The following SNX29 variants were observed in gnomAD, a reference collection of about 807,000 sequenced individuals.
SNX29 encodes the protein sorting nexin-29.
Under a neutral mutation model 102.1 loss-of-function variants are expected in SNX29, and 78 were observed. The ratio of observed to expected loss-of-function variants is 0.76; its 90% CI spans 0.64 to 0.92. The LOEUF (loss-of-function observed/expected upper bound fraction) is 0.92. Among genes scored for constraint, SNX29 ranks in the 40% least tolerant of loss-of-function variants. SNX29 has a pLI of 0.00. For synonymous variants in SNX29, 580 were observed against 414.5 expected, an observed-to-expected ratio of 1.40 and a Z score of -4.85; for missense variants, 1,280 against 1,061.7, an observed-to-expected ratio of 1.21 and a Z score of -2.86.
chr16:12,055,574 G>A (rs887873585), intron 8 of SNX29, among the ~76,000 whole-genome samples: 2 of 152,144 alleles, frequency 1.3e-5, no homozygotes, highest in Admixed American at 6.6e-5. Context: ...TGATTGTGGG[G>A]CTGGGAAGTC....
intron 11 of SNX29, among the ~76,000 whole-genome samples, chr16:12,095,799 G>A (rs909830576): frequency 2.0e-5 from 3 of 152,142 alleles, no homozygotes; most frequent in African/African-American, 7.2e-5. Flanking sequence ...ATTTGTTAGA[G>A]CTTTTGATTG....
intron 18 of SNX29, among the ~76,000 whole-genome samples, chr16:12,419,585 G>A (rs534590939): frequency 2.0e-5 from 3 of 151,674 alleles, no homozygotes; most frequent in Admixed American, 6.6e-5. Flanking sequence ...TCTTTCTGTC[G>A]ATTTGCGTTG....
At chr16:12,189,167 A>G (rs2076582812) in intron 13 of SNX29, among the ~76,000 whole-genome samples, 1 of 152,210 alleles carries the variant, frequency 6.6e-6, no homozygotes, top group African/African-American at 2.4e-5. Context: ...CCTACAAGCA[A>G]AACATTCTCC....
Position 12,569,779 on chromosome 16 carries a change from C to G in SNX29, c.*1150C>G, listed in dbSNP as rs1448592739. On this transcript the variant is annotated 3_prime_UTR_variant, in exon 21 of 21. Coordinates refer to ENST00000566228, the MANE Select transcript of SNX29 (RefSeq NM_032167.5). ...GCTCACATCAGAGCACCTCACAGAG[C>G]AATAGCCGTCCTCAGATGCTCAGCA... 2 of 230,278 alleles carry G rather than the reference C, an allele frequency of 8.7e-6. No homozygotes were observed. The highest frequency in any genetic ancestry group is 1.7e-5 in the Non-Finnish European group (2 of 116,224). The allele number at this position is 230,278 out of a possible 1,614,324, so 14.3% of individuals were successfully genotyped here. A position where few individuals can be genotyped will look rare whatever the true frequency, so the allele number is the denominator to read the frequency against.
chr16:12,038,988 G>T (rs2057554842), intron 4 of SNX29, among the ~76,000 whole-genome samples: 2 of 152,182 alleles, frequency 1.3e-5, no homozygotes, highest in Non-Finnish European at 1.5e-5. Flanking sequence ...TTGGGAAGTG[G>T]ATTACTTTGA....
rs1397029506 is a variant in SNX29 at position 12,504,113 on chromosome 16, A to G, written c.2179-20589A>G. 2.0e-5 allele frequency among the ~76,000 whole-genome samples: 3 copies of G among 151,488 alleles called. No homozygotes were observed. The East Asian group carries it at 5.9e-4, about 30-fold the overall frequency. On this transcript the variant is annotated intron_variant, in intron 19 of 20. Transcript: ENST00000566228. ...ACTCATCTGTTTTCTGCATCTAAGG[A>G]TCTCCCTGTTCTGAACATTTCCTAT... is the stretch of plus-strand genomic sequence containing the variant.
intron 20 of SNX29, among the ~76,000 whole-genome samples, chr16:12,558,441 T>C (rs1452301398): frequency 6.6e-6 from 1 of 152,224 alleles, no homozygotes; most frequent in Non-Finnish European, 1.5e-5. Flanking sequence ...AAAGCATTGG[T>C]AGACTTCTGT....
At chr16:12,353,883 C>T (rs2082060171) in intron 15 of SNX29, among the ~76,000 whole-genome samples, 1 of 152,184 alleles carries the variant, frequency 6.6e-6, no homozygotes, top group South Asian at 2.1e-4. Context: ...TTGGGAAGAT[C>T]ATTGTGCCTG....
chr16:12,511,742 C>G (rs2089629926), intron 19 of SNX29, among the ~76,000 whole-genome samples: 1 of 152,038 alleles, frequency 6.6e-6, no homozygotes, highest in African/African-American at 2.4e-5. Flanking sequence ...CTTGAGCTGC[C>G]CAGGGATTGG....
intron 20 of SNX29, among the ~76,000 whole-genome samples, chr16:12,558,230 A>G (rs989039986): frequency 2.2e-4 from 4 of 18,602 alleles, no homozygotes; most frequent in Admixed American, 7.5e-4. Flanking sequence ...GCCTCTCTTC[A>G]GCCCCCCCAG....
chr16:12,370,138 C>G (rs2082630631), intron 16 of SNX29, among the ~76,000 whole-genome samples: 1 of 152,058 alleles, frequency 6.6e-6, no homozygotes, highest in East Asian at 1.9e-4. Flanking sequence ...AGAAGAATCG[C>G]TTAAATCCGG....
intron 14 of SNX29, among the ~76,000 whole-genome samples, chr16:12,206,162 T>G (rs1033528293): frequency 6.6e-6 from 1 of 152,214 alleles, no homozygotes; most frequent in South Asian, 2.1e-4. Context: ...GCCCTGGTTG[T>G]GTCATTCAGA....
At chr16:12,488,284 G>A (rs2088353369) in intron 19 of SNX29, among the ~76,000 whole-genome samples, 1 of 152,076 alleles carries the variant, frequency 6.6e-6, no homozygotes, top group Non-Finnish European at 1.5e-5. Flanking sequence ...GTGGTCTCAA[G>A]TTGTAGAACT....
Position 12,300,350 on chromosome 16 carries a change from A to C in SNX29, c.1782+22314A>C, listed in dbSNP as rs964379172. On this transcript the variant is annotated intron_variant, in intron 15 of 20. Transcript: ENST00000566228. ...ATCACATTTTCCTTCCTGTCCCCATAATGCCTTGGAGACAGCGCTCTGATA... is the reference window on the plus strand; with the variant it reads ...ATCACATTTTCCTTCCTGTCCCCATCATGCCTTGGAGACAGCGCTCTGATA... Among the ~76,000 whole-genome samples the C allele has an allele frequency of 4.6e-5, 7 of 152,140 alleles. 1 individual carries two copies. The highest frequency in any genetic ancestry group is 1.7e-4 in the African/African-American group (7 of 41,496).
At chr16:12,271,063 TGGTCTC>T (rs2079078986) in intron 14 of SNX29, among the ~76,000 whole-genome samples, 1 of 152,112 alleles carries the variant, frequency 6.6e-6, no homozygotes. Context: ...ATAAATAAAG[TGGTCTC>T]TCAAGAAGTA....
chr16:12,512,228 C>T (rs1004944767), intron 19 of SNX29, among the ~76,000 whole-genome samples: 2 of 150,628 alleles, frequency 1.3e-5, no homozygotes, highest in African/African-American at 4.9e-5. Flanking sequence ...TGTGAAAGTG[C>T]CCAGGGAGTG....
chr16:12,377,102 G>A (rs1032753950), intron 16 of SNX29, among the ~76,000 whole-genome samples: 5 of 152,126 alleles, frequency 3.3e-5, no homozygotes, highest in African/African-American at 1.2e-4. Context: ...CAGACTTTCT[G>A]TGTTCTCCAG....
intron 16 of SNX29, among the ~76,000 whole-genome samples, chr16:12,357,187 C>G (rs1186058003): frequency 1.3e-5 from 2 of 152,186 alleles, no homozygotes; most frequent in African/African-American, 4.8e-5. Flanking sequence ...CTGTGTAATG[C>G]ACGCTCATAT....
intron 16 of SNX29, among the ~76,000 whole-genome samples, chr16:12,389,504 T>C (rs548394127): frequency 5.3e-5 from 8 of 152,334 alleles, no homozygotes; most frequent in African/African-American, 1.9e-4. Flanking sequence ...TTCCTTGCCT[T>C]CCACCGTGAT....
Sources: gnomAD v4.1 joint callset for allele counts (sites outside exome capture counted in the v4.1 genomes callset) on GRCh38, gnomAD v4.1.1 for gene constraint, MANE v1.5 for transcripts, NCBI Gene and HGNC (gene_info 2026-07-23, HGNC 2026-07-21) for gene names.